Variants in MDGA2 observed in about 807,000 individuals in gnomAD.
MDGA2 encodes MAM domain-containing glycosylphosphatidylinositol anchor protein 2.
Under a neutral mutation model 117.8 loss-of-function variants are expected in MDGA2, and 40 were observed. That is an observed-to-expected ratio of 0.34 (90% CI 0.26 to 0.44). MDGA2 has a LOEUF of 0.44. Ranked by LOEUF, MDGA2 falls within the 20% of genes least tolerant of loss-of-function variation. MDGA2 has a pLI of 1.00. For missense variants in MDGA2, 1,123 were observed against 1,250.6 expected, an observed-to-expected ratio of 0.90 and a Z score of 1.54; for synonymous variants, 452 against 439.0, an observed-to-expected ratio of 1.03 and a Z score of -0.37.
chr14:47,186,025 C>T (rs1051970366), intron 3 of MDGA2, among the ~76,000 whole-genome samples: 1 of 151,334 alleles, frequency 6.6e-6, no homozygotes, highest in African/African-American at 2.4e-5. Context: ...TATGTTCATA[C>T]CATCAATACT....
intron 8 of MDGA2, among the ~76,000 whole-genome samples, chr14:46,988,317 GA>G (rs1463342577): frequency 1.3e-5 from 2 of 151,996 alleles, no homozygotes; most frequent in Non-Finnish European, 2.9e-5. Context: ...ATAGAAACAA[GA>G]AGGGTTGATG....
intron 1 of MDGA2, among the ~76,000 whole-genome samples, chr14:47,460,104 T>C (rs556814574): frequency 6.6e-6 from 1 of 152,190 alleles, no homozygotes; most frequent in African/African-American, 2.4e-5. Flanking sequence ...AAAGGTGATA[T>C]CATTTTCTTC....
chr14:47,166,023 G>T (rs1883857591), intron 3 of MDGA2, among the ~76,000 whole-genome samples: 1 of 146,322 alleles, frequency 6.8e-6, no homozygotes, highest in Non-Finnish European at 1.5e-5. Flanking sequence ...TTTATAAGCA[G>T]CACTGTTTAC....
chr14:46,942,111 T>C (rs1885021470), intron 9 of MDGA2, among the ~76,000 whole-genome samples: 2 of 152,132 alleles, frequency 1.3e-5, no homozygotes, highest in Non-Finnish European at 2.9e-5. Flanking sequence ...ATGCAAGAAA[T>C]ATAAGAGAGA....
chr14:47,053,370 A>G lies in MDGA2; in HGVS notation c.1525+7879T>C, dbSNP rs1295585937. Among the ~76,000 whole-genome samples, 3 of 151,708 alleles carry G rather than the reference A, an allele frequency of 2.0e-5. No individual in the cohort carries two copies. In the East Asian group the frequency reaches 5.8e-4, roughly 29 times the overall value. On this transcript the variant is annotated intron_variant, in intron 7 of 16. Coordinates refer to ENST00000399232, the MANE Select transcript of MDGA2 (RefSeq NM_001113498.3). ...ACTGATTTTCTAATTGCTCACCAGA[A>G]ACATGAGGATGTTTCACCATCCCTT... is the stretch of plus-strand genomic sequence containing the variant.
intron 2 of MDGA2, among the ~76,000 whole-genome samples, chr14:47,284,233 G>A (rs912474692): frequency 1.3e-5 from 2 of 152,146 alleles, no homozygotes; most frequent in Non-Finnish European, 2.9e-5. Flanking sequence ...GTAGAATTTG[G>A]AATAGAGACA....
intron 8 of MDGA2, among the ~76,000 whole-genome samples, chr14:46,983,042 T>C (rs1236618554): frequency 6.6e-6 from 1 of 152,146 alleles, no homozygotes; most frequent in Non-Finnish European, 1.5e-5. Context: ...GTCAAAGGCC[T>C]TTTCTGCATC....
intron 3 of MDGA2, among the ~76,000 whole-genome samples, chr14:47,195,155 C>T (rs1885244283): frequency 6.6e-6 from 1 of 151,964 alleles, no homozygotes; most frequent in African/African-American, 2.4e-5. Context: ...CATTCAACTT[C>T]AAATTATATT....
At chr14:47,672,821 C>T (rs72673240) in intron 1 of MDGA2, among the ~76,000 whole-genome samples, 25,357 of 152,050 alleles carry the variant, frequency 0.17, 2,177 homozygotes, top group East Asian at 0.25. Flanking sequence ...TTTTTCTCAG[C>T]TGTTCAGAGG....
chr14:47,583,333 C>G (rs2138844280), intron 1 of MDGA2, among the ~76,000 whole-genome samples: 1 of 151,868 alleles, frequency 6.6e-6, no homozygotes, highest in South Asian at 2.1e-4. Flanking sequence ...AAGCAGCTAG[C>G]CAGTGAGAAC....
intron 1 of MDGA2, among the ~76,000 whole-genome samples, chr14:47,611,406 G>T (rs961659217): frequency 6.6e-6 from 1 of 152,044 alleles, no homozygotes; most frequent in African/African-American, 2.4e-5. Context: ...GGAACAGTCA[G>T]CAGAGTAAAC....
intron 3 of MDGA2, among the ~76,000 whole-genome samples, chr14:47,195,477 T>C (rs1353882682): frequency 1.3e-5 from 2 of 152,014 alleles, no homozygotes; most frequent in Non-Finnish European, 2.9e-5. Flanking sequence ...CTGGTTTTAT[T>C]GGGCCATGGG....
intron 1 of MDGA2, among the ~76,000 whole-genome samples, chr14:47,498,512 C>T (rs910559344): frequency 6.6e-6 from 1 of 152,114 alleles, no homozygotes; most frequent in African/African-American, 2.4e-5. Flanking sequence ...TTAGTATATA[C>T]ATGTGCTCAC....
chr14:47,215,243 A>G (rs534007270), intron 3 of MDGA2, among the ~76,000 whole-genome samples: 160 of 152,122 alleles, frequency 1.1e-3, no homozygotes, highest in Admixed American at 2.0e-3. Context: ...GAAATAAATT[A>G]ACTCATTCAC....
chr14:47,459,633 T>C (rs573149053), intron 1 of MDGA2, among the ~76,000 whole-genome samples: 2 of 152,132 alleles, frequency 1.3e-5, no homozygotes, highest in East Asian at 3.9e-4. Flanking sequence ...GTTTTTTTTA[T>C]TTTTATCAGT....
chr14:47,026,256 G>A lies in MDGA2; in HGVS notation c.1819+8755C>T, dbSNP rs1489349800. Among the ~76,000 whole-genome samples, 3 of 152,254 alleles carry A rather than the reference G, an allele frequency of 2.0e-5. No individual in the cohort carries two copies. In the East Asian group the frequency reaches 5.8e-4, roughly 29 times the overall value. ...GTAAATGTGTATCTCTTGCTGGAGG[G>A]AGAGGAAGTTATGTCTTTCTCTCAA... On this transcript the variant is annotated intron_variant, in intron 8 of 16. Transcript: ENST00000399232.
chr14:47,573,841 T>C, intron 1 of MDGA2, among the ~76,000 whole-genome samples: 1 of 152,070 alleles, frequency 6.6e-6, no homozygotes, highest in Non-Finnish European at 1.5e-5. Context: ...AATTAAGAAG[T>C]GATTTCATTG....
At chr14:47,663,812 TC>T (rs1327091839) in intron 1 of MDGA2, among the ~76,000 whole-genome samples, 1 of 152,160 alleles carries the variant, frequency 6.6e-6, no homozygotes, top group African/African-American at 2.4e-5. Flanking sequence ...AATAAATATA[TC>T]CCTAGGTTAT....
intron 1 of MDGA2, among the ~76,000 whole-genome samples, chr14:47,542,170 A>G (rs1251877395): frequency 1.3e-5 from 2 of 152,236 alleles, no homozygotes; most frequent in Non-Finnish European, 2.9e-5. Flanking sequence ...ATTATCCCTC[A>G]TTCAAGGCAA....
Sources: allele counts gnomAD v4.1 joint callset (sites outside exome capture counted in the v4.1 genomes callset), GRCh38; gene constraint gnomAD v4.1.1; transcripts MANE v1.5; gene names NCBI Gene and HGNC (gene_info 2026-07-23, HGNC 2026-07-21).